MAGI2: variants seen among roughly 807,000 people sequenced by gnomAD.
MAGI2 encodes membrane associated guanylate kinase, WW and PDZ domain containing 2, also known as membrane-associated guanylate kinase, WW and PDZ domain-containing protein 2.
Under a neutral mutation model 133.3 loss-of-function variants are expected in MAGI2, and 35 were observed. The observed-to-expected ratio is 0.26, with a 90% CI of 0.20 to 0.35. The LOEUF (loss-of-function observed/expected upper bound fraction) is 0.35, where lower values mean the gene tolerates loss of function less well. Ranked by LOEUF, MAGI2 falls within the 10% of genes least tolerant of loss-of-function variation. The pLI, the probability that MAGI2 is intolerant of heterozygous loss-of-function variation, is 1.00. For synonymous variants in MAGI2, 729 were observed against 710.6 expected, an observed-to-expected ratio of 1.03 and a Z score of -0.41; for missense variants, 1,636 against 1,863.4, an observed-to-expected ratio of 0.88 and a Z score of 2.25.
At chr7:78,187,890 A>G (rs1012790185) in intron 12 of MAGI2, among the ~76,000 whole-genome samples, 6 of 152,194 alleles carry the variant, frequency 3.9e-5, no homozygotes, top group Non-Finnish European at 2.9e-5. Context: ...ATTCATGAAT[A>G]TACATTGGGT....
chr7:78,882,889 A>G (rs960785612), intron 2 of MAGI2, among the ~76,000 whole-genome samples: 1 of 152,080 alleles, frequency 6.6e-6, no homozygotes, highest in Non-Finnish European at 1.5e-5. Flanking sequence ...TGACAAACAC[A>G]CAGCCAACAT....
chr7:78,127,475 G>T lies in MAGI2; in HGVS notation c.3204-59C>A. The T allele has an allele frequency of 2.2e-6, 3 of 1,344,740 alleles. No individual in the cohort carries two copies. In the South Asian group the frequency reaches 3.6e-5, roughly 16 times the overall value. The allele number at this position is 1,344,740 out of a possible 1,614,324, so 83.3% of individuals were successfully genotyped here. A position where few individuals can be genotyped will look rare whatever the true frequency, so the allele number is the denominator to read the frequency against. ...CTCTGCATTCTAAAGAGGCTAGAGT[G>T]ATCACACGGCCTCCAGAGGTGGGCC... On this transcript the variant is annotated intron_variant, in intron 18 of 21. Coordinates refer to ENST00000354212, the MANE Select transcript of MAGI2 (RefSeq NM_012301.4).
intron 1 of MAGI2, among the ~76,000 whole-genome samples, chr7:79,186,220 A>ATATATT: frequency 7.9e-5 from 1 of 12,636 alleles, no homozygotes; most frequent in Non-Finnish European, 3.4e-4. Context: ...ATATATATAT[A>ATATATT]TATATATATA....
chr7:78,796,055 C>G (rs1175009473), intron 2 of MAGI2, among the ~76,000 whole-genome samples: 1 of 152,060 alleles, frequency 6.6e-6, no homozygotes, highest in African/African-American at 2.4e-5. Flanking sequence ...TGTGGAAATG[C>G]TACAGGTCAT....
chr7:79,301,758 C>T (rs1182221443), intron 1 of MAGI2, among the ~76,000 whole-genome samples: 1 of 152,180 alleles, frequency 6.6e-6, no homozygotes, highest in Non-Finnish European at 1.5e-5. Flanking sequence ...ATATTTGTCC[C>T]TGTTCAAATC....
chr7:78,865,958 A>T (rs2151510709), intron 2 of MAGI2, among the ~76,000 whole-genome samples: 1 of 152,302 alleles, frequency 6.6e-6, no homozygotes. Context: ...TCCAGAAAAC[A>T]TTCAATCTGA....
intron 1 of MAGI2, among the ~76,000 whole-genome samples, chr7:79,264,818 T>G (rs1447511933): frequency 1.3e-5 from 2 of 151,118 alleles, no homozygotes; most frequent in Admixed American, 1.3e-4. Context: ...GGAGCCGGAG[T>G]GTACAGAGGT....
chr7:78,147,531 T>C (rs1328699436), intron 16 of MAGI2, among the ~76,000 whole-genome samples: 1 of 152,154 alleles, frequency 6.6e-6, no homozygotes, highest in African/African-American at 2.4e-5. Context: ...AAAATGACTT[T>C]TATTATGCTA....
chr7:78,454,719 A>C (rs542190481), intron 6 of MAGI2, among the ~76,000 whole-genome samples: 1 of 152,296 alleles, frequency 6.6e-6, no homozygotes, highest in South Asian at 2.1e-4. Flanking sequence ...CAGCCACAGA[A>C]TAGAACATTA....
At chr7:79,386,168 T>C (rs1844166650) in intron 1 of MAGI2, among the ~76,000 whole-genome samples, 1 of 152,010 alleles carries the variant, frequency 6.6e-6, no homozygotes. Flanking sequence ...TTTATACTAA[T>C]GGTTACATTT....
At chr7:79,333,876 T>C (rs1429634880) in intron 1 of MAGI2, among the ~76,000 whole-genome samples, 2 of 152,338 alleles carry the variant, frequency 1.3e-5, no homozygotes, top group South Asian at 2.1e-4. Flanking sequence ...TGTATTCTTC[T>C]AGGAATTTTA....
At chr7:78,211,215 C>A (rs1414787764) in intron 10 of MAGI2, among the ~76,000 whole-genome samples, 1 of 151,742 alleles carries the variant, frequency 6.6e-6, no homozygotes, top group Non-Finnish European at 1.5e-5. Flanking sequence ...TGGAGCAGAT[C>A]TCTCAGTGGG....
At chr7:78,472,120 A>G (rs1196747850) in intron 6 of MAGI2, among the ~76,000 whole-genome samples, 1 of 152,124 alleles carries the variant, frequency 6.6e-6, no homozygotes, top group African/African-American at 2.4e-5. Context: ...TCAAGTGTTT[A>G]CATAAACTAG....
chr7:78,427,397 A>G (rs1388849950), intron 6 of MAGI2, among the ~76,000 whole-genome samples: 2 of 152,130 alleles, frequency 1.3e-5, no homozygotes, highest in Non-Finnish European at 2.9e-5. Flanking sequence ...AAAGGATAGA[A>G]AAAGACAAGT....
chr7:78,515,340 A>C (rs936086325), intron 4 of MAGI2, among the ~76,000 whole-genome samples: 1 of 152,180 alleles, frequency 6.6e-6, no homozygotes, highest in African/African-American at 2.4e-5. Flanking sequence ...GTATTTTAAA[A>C]TGCACTTCTG....
At chr7:78,361,033 A>G (rs182712403) in intron 7 of MAGI2, among the ~76,000 whole-genome samples, 99 of 152,090 alleles carry the variant, frequency 6.5e-4, no homozygotes, top group African/African-American at 2.1e-3. Flanking sequence ...CCTGTGTGCT[A>G]TTGTGCTATT....
At chr7:79,448,378 G>A (rs1471748709) in intron 1 of MAGI2, among the ~76,000 whole-genome samples, 2 of 151,930 alleles carry the variant, frequency 1.3e-5, no homozygotes, top group African/African-American at 4.8e-5. Context: ...AATTTGAATT[G>A]AGTAAAATAT....
At chr7:78,846,397 G>T (rs1400660059) in intron 2 of MAGI2, among the ~76,000 whole-genome samples, 1 of 151,922 alleles carries the variant, frequency 6.6e-6, no homozygotes, top group Non-Finnish European at 1.5e-5. Context: ...TATATAGCAA[G>T]TCTTCATGAG....
At chr7:78,431,095 TG>T (rs1799749955) in intron 6 of MAGI2, among the ~76,000 whole-genome samples, 1 of 151,950 alleles carries the variant, frequency 6.6e-6, no homozygotes, top group African/African-American at 2.4e-5. Context: ...TGTGTGTGTG[TG>T]TGTGTGTGTT....
Sources: allele counts gnomAD v4.1 joint callset (sites outside exome capture counted in the v4.1 genomes callset), GRCh38; gene constraint gnomAD v4.1.1; transcripts MANE v1.5; gene names NCBI Gene and HGNC (gene_info 2026-07-23, HGNC 2026-07-21).